The following TBC1D32 variants were observed in gnomAD, a reference collection of about 807,000 sequenced individuals.
TBC1D32 encodes protein broad-minded.
A neutral mutation model predicts 170.3 loss-of-function variants in TBC1D32; 151 were observed. That is an observed-to-expected ratio of 0.89 (90% CI 0.78 to 1.01). The LOEUF (loss-of-function observed/expected upper bound fraction) is 1.01, where lower values mean the gene tolerates loss of function less well. Ranked by LOEUF, TBC1D32 falls within the 50% of genes least tolerant of loss-of-function variation. The probability of loss-of-function intolerance (pLI) is 0.00; values close to 1 mark genes in which losing one functional copy is unlikely to be tolerated. For synonymous variants in TBC1D32, 498 were observed against 488.0 expected (o/e 1.02, Z -0.27); for missense variants, 1,464 against 1,457.1 (o/e 1.00, Z -0.08).
chr6:121,196,288 C>A (rs1790727238), intron 22 of TBC1D32, among the ~76,000 whole-genome samples: 1 of 152,196 alleles, frequency 6.6e-6, no homozygotes, highest in Admixed American at 6.5e-5. Context: ...CCAACATGGA[C>A]TTCCACTCAC....
chr6:121,082,837 GATACCC>G (rs1775779106), intron 31 of TBC1D32, among the ~76,000 whole-genome samples: 1 of 151,720 alleles, frequency 6.6e-6, no homozygotes, highest in African/African-American at 2.4e-5. Flanking sequence ...ACACCAAAGA[GATACCC>G]ATAAAAATGA....
chr6:121,093,358 A>AT (rs1777039520), intron 30 of TBC1D32, among the ~76,000 whole-genome samples: 1 of 152,188 alleles, frequency 6.6e-6, no homozygotes, highest in Admixed American at 6.6e-5. Context: ...ACTAGAAGCA[A>AT]TAATTCCTTA....
intron 28 of TBC1D32, 89 bp downstream of exon 28, chr6:121,112,973 A>G: frequency 1.1e-6 from 1 of 913,144 alleles, no homozygotes. Context: ...GTACTACTTT[A>G]CTATAAATGT....
At chr6:121,129,401 C>T (rs192142718) in intron 25 of TBC1D32, among the ~76,000 whole-genome samples, 6 of 152,228 alleles carry the variant, frequency 3.9e-5, no homozygotes, top group South Asian at 2.1e-4. Context: ...GTATGTTAAA[C>T]GCATTTTCAA....
At chr6:121,085,508 G>A (rs1308621099) in intron 31 of TBC1D32, among the ~76,000 whole-genome samples, 6 of 151,216 alleles carry the variant, frequency 4.0e-5, no homozygotes, top group Admixed American at 6.6e-5. Context: ...TTAAATTTTC[G>A]AATCCTTGGC....
In TBC1D32 at chr6:121,089,621, TAA is replaced by T. The variant is rs968666049; in HGVS notation, c.3654+1230_3654+1231del. 1.1e-4 allele frequency among the ~76,000 whole-genome samples: 16 copies of T among 152,326 alleles called. No homozygotes were observed. In the East Asian group the frequency reaches 1.7e-3, roughly 17 times the overall value. On this transcript the variant is annotated intron_variant, in intron 31 of 31. Coordinates refer to ENST00000398212, the MANE Select transcript of TBC1D32 (RefSeq NM_152730.6). The stretch of plus-strand genomic sequence containing the variant: ...CATTTTTCTCAGCATACTTTTTCAT[TAA>T]GACTGTTTCTAATCTAGTGATATAT...
At chr6:121,265,592 G>GAA (rs71018121) in intron 15 of TBC1D32, among the ~76,000 whole-genome samples, 2 of 148,552 alleles carry the variant, frequency 1.3e-5, no homozygotes, top group African/African-American at 5.1e-5. Flanking sequence ...AACCAAAAAA[G>GAA]AAAAAAAAAA....
upstream of TBC1D32, chr6:121,334,554 G>A (rs9482133): frequency 6.4e-3 from 7,657 of 1,204,138 alleles, 428 homozygotes; most frequent in African/African-American, 0.11. Flanking sequence ...GGGATACCGC[G>A]GCGAGCGCCT....
chr6:121,122,386 A>G (rs944771852), intron 26 of TBC1D32, among the ~76,000 whole-genome samples: 4 of 151,990 alleles, frequency 2.6e-5, no homozygotes, highest in Non-Finnish European at 4.4e-5. Context: ...AAACCCTGCA[A>G]TGACTTTCAA....
chr6:121,179,933 G>A (rs1788292631), intron 22 of TBC1D32, among the ~76,000 whole-genome samples: 1 of 152,054 alleles, frequency 6.6e-6, no homozygotes. Context: ...GTCTTGCAAT[G>A]TGCTTCCAGT....
At chr6:121,117,384 A>T (rs1779790232) in intron 26 of TBC1D32, among the ~76,000 whole-genome samples, 1 of 152,150 alleles carries the variant, frequency 6.6e-6, no homozygotes, top group Admixed American at 6.5e-5. Context: ...GACATCAGAA[A>T]ATGGGTTAGG....
intron 22 of TBC1D32, among the ~76,000 whole-genome samples, chr6:121,197,504 GTA>G: frequency 6.6e-6 from 1 of 152,204 alleles, no homozygotes; most frequent in Middle Eastern, 3.4e-3. Context: ...GTTTGTGATT[GTA>G]TACACTTGTA....
chr6:121,294,921 AT>A (rs1554308806), intron 10 of TBC1D32, among the ~76,000 whole-genome samples: 1 of 152,152 alleles, frequency 6.6e-6, no homozygotes, highest in Non-Finnish European at 1.5e-5. Context: ...AGAAATAAAT[AT>A]GTAATTTATA....
intron 20 of TBC1D32, among the ~76,000 whole-genome samples, chr6:121,230,014 G>A (rs1265244701): frequency 6.6e-6 from 1 of 152,000 alleles, no homozygotes; most frequent in Non-Finnish European, 1.5e-5. Context: ...CTTCCTGAAT[G>A]TAAGTTTCCT....
rs1219461947 is a variant in TBC1D32 at position 121,086,849 on chromosome 6, A to C, written c.3654+4004T>G. 2.0e-5 allele frequency among the ~76,000 whole-genome samples: 3 copies of C among 152,210 alleles called. No homozygotes were observed. In the East Asian group the frequency reaches 5.8e-4, roughly 29 times the overall value. On this transcript the variant is annotated intron_variant, in intron 31 of 31. Coordinates refer to ENST00000398212, the MANE Select transcript of TBC1D32 (RefSeq NM_152730.6). ...TATGAACTACTATTAAACTGTCACT[A>C]AACCTGTTTGTGTGTGTGTATGCGC...
At chr6:121,087,140 G>C (rs557696330) in intron 31 of TBC1D32, among the ~76,000 whole-genome samples, 1 of 152,054 alleles carries the variant, frequency 6.6e-6, no homozygotes, top group Non-Finnish European at 1.5e-5. Flanking sequence ...CCACATTCTT[G>C]TTGTGTCTAA....
Position 121,080,377 on chromosome 6 carries a change from A to G in TBC1D32, c.*394T>C. 1 of 348,496 alleles carries G rather than the reference A, an allele frequency of 2.9e-6. No individual in the cohort carries two copies. Among genetic ancestry groups the G allele is most frequent in the Non-Finnish European group, 5.9e-6 (1 of 168,980 alleles). The allele number at this position is 348,496 out of a possible 1,614,324, so 21.6% of individuals were successfully genotyped here. A position where few individuals can be genotyped will look rare whatever the true frequency, so the allele number is the denominator to read the frequency against. On this transcript the variant is annotated 3_prime_UTR_variant, in exon 32 of 32. Transcript: ENST00000398212. ...GGACTACAGGCGCATCACTGCACCC[A>G]GCTAATTTCAGTATTGTTAGCAGAG...
At chr6:121,191,809 A>T (rs901620847) in intron 22 of TBC1D32, among the ~76,000 whole-genome samples, 1 of 151,970 alleles carries the variant, frequency 6.6e-6, no homozygotes, top group Non-Finnish European at 1.5e-5. Context: ...GGAAAGGCAG[A>T]CCCACCCTTA....
At chr6:121,269,730 A>G in intron 15 of TBC1D32, among the ~76,000 whole-genome samples, 1 of 152,192 alleles carries the variant, frequency 6.6e-6, no homozygotes, top group East Asian at 1.9e-4. Context: ...AAGGATATCC[A>G]GGAATTGAAC....
Sources: gnomAD v4.1 joint callset for allele counts (sites outside exome capture counted in the v4.1 genomes callset) on GRCh38, gnomAD v4.1.1 for gene constraint, MANE v1.5 for transcripts, NCBI Gene and HGNC (gene_info 2026-07-23, HGNC 2026-07-21) for gene names.